LIMCH1: variants seen among roughly 807,000 people sequenced by gnomAD.
LIMCH1 encodes LIM and calponin homology domains 1.
In LIMCH1, 113 loss-of-function variants were observed where a neutral mutation model predicts 176.5. The ratio of observed to expected loss-of-function variants is 0.64; its 90% CI spans 0.55 to 0.75. The LOEUF is 0.75. LIMCH1 is among the 30% of genes least tolerant of loss of function. The pLI, the probability that LIMCH1 is intolerant of heterozygous loss-of-function variation, is 0.00. For missense variants in LIMCH1, 1,674 were observed against 1,814.9 expected (o/e 0.92, Z 1.41); for synonymous variants, 619 against 645.9 (o/e 0.96, Z 0.63).
intron 1 of LIMCH1, among the ~76,000 whole-genome samples, chr4:41,595,024 C>G (rs1196578334): frequency 2.6e-5 from 4 of 152,164 alleles, no homozygotes; most frequent in Non-Finnish European, 5.9e-5. Flanking sequence ...TGAAGACTCA[C>G]CTGGATCTGT....
At chr4:41,635,024 C>T (rs1210465182) in intron 13 of LIMCH1, among the ~76,000 whole-genome samples, 2 of 152,188 alleles carry the variant, frequency 1.3e-5, no homozygotes, top group Non-Finnish European at 2.9e-5. Context: ...GGCGCTCTCC[C>T]ATTCATTTAT....
intron 14 of LIMCH1, among the ~76,000 whole-genome samples, chr4:41,643,661 G>A (rs2093931039): frequency 6.6e-6 from 1 of 152,102 alleles, no homozygotes; most frequent in Admixed American, 6.6e-5. Context: ...TTTAAAGACT[G>A]ATTTCCCTTG....
chr4:41,421,011 C>T (rs1419674831), intron 1 of LIMCH1, among the ~76,000 whole-genome samples: 1 of 152,176 alleles, frequency 6.6e-6, no homozygotes, highest in Non-Finnish European at 1.5e-5. Context: ...ACACCTTGAC[C>T]TGGATCTTTG....
chr4:41,619,743 C>T, intron 6 of LIMCH1: 1 of 398,844 alleles, frequency 2.5e-6, no homozygotes, highest in Non-Finnish European at 4.6e-6. Flanking sequence ...CCTTGTCCTT[C>T]TGCGGAGACT....
chr4:41,596,479 C>T (rs947794294), intron 1 of LIMCH1, among the ~76,000 whole-genome samples: 7 of 152,030 alleles, frequency 4.6e-5, no homozygotes, highest in East Asian at 1.9e-4. Context: ...GGATTGAAAA[C>T]GATTTATTTC....
chr4:41,664,421 G>A (rs1374588952), intron 20 of LIMCH1, among the ~76,000 whole-genome samples: 2 of 152,150 alleles, frequency 1.3e-5, no homozygotes, highest in Non-Finnish European at 2.9e-5. Flanking sequence ...CCTCTAAAAT[G>A]CCTGTTGCCT....
At chr4:41,490,183 C>G (rs1187893712) in intron 1 of LIMCH1, among the ~76,000 whole-genome samples, 1 of 151,788 alleles carries the variant, frequency 6.6e-6, no homozygotes, top group Non-Finnish European at 1.5e-5. Flanking sequence ...CACTTTTAAT[C>G]CATGCGTAAG....
At chr4:41,583,893 C>T (rs778592557) in intron 1 of LIMCH1, among the ~76,000 whole-genome samples, 4 of 151,950 alleles carry the variant, frequency 2.6e-5, no homozygotes, top group South Asian at 4.1e-4. Context: ...CTGAAATTTC[C>T]GAATACCGAA....
chr4:41,667,727 C>T (rs867075479), intron 21 of LIMCH1, among the ~76,000 whole-genome samples: 44 of 152,146 alleles, frequency 2.9e-4, no homozygotes, highest in Middle Eastern at 3.4e-3. Flanking sequence ...CAGAAAGGGC[C>T]CTGAGGGATG....
chr4:41,656,748 G>A lies in LIMCH1; in HGVS notation c.3037-4672G>A, dbSNP rs187279178. 3.7e-4 allele frequency among the ~76,000 whole-genome samples: 56 copies of A among 152,206 alleles called. 1 individual carries two copies. The highest frequency in any genetic ancestry group is 1.2e-3 in the African/African-American group (51 of 41,522). On this transcript the variant is annotated intron_variant, in intron 18 of 31. Transcript: ENST00000503057. ...TGTGTCCAGATAAGTTGTCCAAGACGAGAGCCAGGAAATCGCTCAGAGTCA... is the reference window on the plus strand; with the variant it reads ...TGTGTCCAGATAAGTTGTCCAAGACAAGAGCCAGGAAATCGCTCAGAGTCA...
intron 18 of LIMCH1, among the ~76,000 whole-genome samples, chr4:41,660,590 G>A (rs891443326): frequency 2.0e-5 from 3 of 152,194 alleles, no homozygotes; most frequent in African/African-American, 7.2e-5. Context: ...CATGAGGTAT[G>A]AGTCAAAGAT....
intron 1 of LIMCH1, among the ~76,000 whole-genome samples, chr4:41,579,533 C>T (rs9291206): frequency 0.22 from 33,412 of 152,046 alleles, 4,338 homozygotes; most frequent in African/African-American, 0.36. Flanking sequence ...GTCCATCTGG[C>T]GTACAGACGG....
rs80099113 is a variant in LIMCH1, at chr4:41,503,776, A to T, written c.167+9170A>T. On this transcript the variant is annotated intron_variant, in intron 2 of 26. Coordinates refer to the LIMCH1 transcript ENST00000313860. ...GCCGGAGAAAAGCCTCTCTCCTGAG[A>T]AGCAGGCTTTGTCCTCTACCAGTCG... Among the ~76,000 whole-genome samples the T allele has an allele frequency of 4.1e-4, 63 of 152,248 alleles. 1 individual carries two copies. The East Asian group carries it at 0.01, about 25-fold the overall frequency.
chr4:41,571,135 A>C (rs1174389968), intron 1 of LIMCH1, among the ~76,000 whole-genome samples: 1 of 152,132 alleles, frequency 6.6e-6, no homozygotes, highest in Non-Finnish European at 1.5e-5. Flanking sequence ...GAGCTGAGAA[A>C]GAAGAGGAGA....
In LIMCH1 at chr4:41,646,191, G is replaced by A. The variant is rs1278469525; in HGVS notation, c.2322G>A (p.Arg774=). The change falls in exon 16 of 32, where the codon AGG becomes AGA. Residue 774 remains arginine (R), a synonymous_variant. Coordinates refer to ENST00000503057, the MANE Select transcript of LIMCH1 (RefSeq NM_001330672.2). ...ACTTAATCAAGAAAGAGGAAGAAAGGAAAAAAATGGAGAAGTTACTGGCTG... is the reference window on the plus strand; with the variant it reads ...ACTTAATCAAGAAAGAGGAAGAAAGAAAAAAAATGGAGAAGTTACTGGCTG... ...SQDLIKKEEE[R]KKMEKLLAGE... 3 of 1,613,552 alleles carry A rather than the reference G, an allele frequency of 1.9e-6. No homozygotes were observed. The highest frequency in any genetic ancestry group is 8.5e-7 in the Non-Finnish European group (1 of 1,179,772).
At chr4:41,529,463 G>T (rs1341189226) in intron 3 of LIMCH1, among the ~76,000 whole-genome samples, 1 of 152,206 alleles carries the variant, frequency 6.6e-6, no homozygotes. Flanking sequence ...GGTCTGTAAG[G>T]ATAAAAGTGA....
intron 1 of LIMCH1, among the ~76,000 whole-genome samples, chr4:41,558,018 C>G (rs1262105912): frequency 1.3e-5 from 2 of 152,000 alleles, no homozygotes; most frequent in Non-Finnish European, 2.9e-5. Flanking sequence ...AGTGGCCACA[C>G]GTGTCAGCCT....
intron 1 of LIMCH1, among the ~76,000 whole-genome samples, chr4:41,584,117 T>C (rs1561830759): frequency 6.6e-6 from 1 of 152,220 alleles, no homozygotes; most frequent in Non-Finnish European, 1.5e-5. Flanking sequence ...ACCTGGACTA[T>C]GAAATACTTT....
intron 1 of LIMCH1, among the ~76,000 whole-genome samples, chr4:41,554,899 C>G (rs75384967): frequency 0.012 from 1,882 of 152,230 alleles, 57 homozygotes; most frequent in African/African-American, 0.043. Context: ...AGTCCTTGGT[C>G]TTGTAGAATT....
Sources: gnomAD v4.1 joint callset for allele counts (sites outside exome capture counted in the v4.1 genomes callset) on GRCh38, gnomAD v4.1.1 for gene constraint, MANE v1.5 for transcripts, NCBI Gene and HGNC (gene_info 2026-07-23, HGNC 2026-07-21) for gene names.